Variants in JPH2 observed in about 807,000 individuals in gnomAD.
JPH2 encodes the protein junctophilin-2.
Under a neutral mutation model 55.9 loss-of-function variants are expected in JPH2, and 38 were observed. That is an observed-to-expected ratio of 0.68 (90% CI 0.52 to 0.89). JPH2 has a LOEUF of 0.89. JPH2 is among the 40% of genes least tolerant of loss of function. JPH2 has a pLI of 0.00. For missense variants in JPH2, 964 were observed against 1,037.6 expected (o/e 0.93, Z 0.97); for synonymous variants, 480 against 472.4 (o/e 1.02, Z -0.21).
chr20:44,177,524 G>T lies in JPH2; in HGVS notation c.379+8803C>A, dbSNP rs542302577. On this transcript the variant is annotated intron_variant, in intron 1 of 5. Coordinates refer to ENST00000372980, the MANE Select transcript of JPH2 (RefSeq NM_020433.5). ...CGGTCCGCTTTTCTGTTCTGCTAAG[G>T]GTCTGCTGTGCTCTCCTGGGGTCTC... 6.5e-6 allele frequency: 7 copies of T among 1,073,244 alleles called. No homozygotes were observed. The Admixed American group carries it at 1.9e-4, about 29-fold the overall frequency. 66.5% of individuals were successfully genotyped at this position (1,073,244 alleles called of 1,614,324 possible).
At chr20:44,137,054 A>G (rs2072418004) in intron 2 of JPH2, among the ~76,000 whole-genome samples, 1 of 152,148 alleles carries the variant, frequency 6.6e-6, no homozygotes, top group African/African-American at 2.4e-5. Flanking sequence ...AACAGGAGAG[A>G]CTCGCCTTCT....
At position 44,115,759 on chromosome 20, in the gene JPH2, T is replaced by C. The variant is rs1408316705; in HGVS notation, c.1916A>G (p.Lys639Arg). The part of the protein sequence containing the change: ...PKAEPRAKAR[K>R]TEARGLTKAG... ...CTTGGTCAGCCCTCGAGCCTCAGTC[T>C]TGCGGGCCTTGGCCCTGGGCTCGGC... Residue 639 changes from lysine to arginine, a missense_variant, in exon 4 of 6, where the codon AAG becomes AGG. Physicochemically the swap from Lys to Arg is conservative, Grantham distance 26. Transcript: ENST00000372980. 6.2e-7 allele frequency: 1 copy of C among 1,612,722 alleles called. No homozygotes were observed.
At chr20:44,140,486 G>A (rs2072447773) in intron 2 of JPH2, among the ~76,000 whole-genome samples, 1 of 152,142 alleles carries the variant, frequency 6.6e-6, no homozygotes, top group African/African-American at 2.4e-5. Flanking sequence ...GACTTTGTAG[G>A]AGCACCCCCT....
At position 44,109,143 on chromosome 20, in the gene JPH2, TAA is replaced by T. The variant is rs2072125231; in HGVS notation, c.*4373_*4374del. Among the ~76,000 whole-genome samples the T allele has an allele frequency of 6.6e-6, 1 of 152,176 alleles. No individual in the cohort carries two copies. The highest frequency in any genetic ancestry group is 2.1e-4 in the South Asian group (1 of 4,830). Reference sequence around the variant, plus strand: ...TCATGGTGGGAGCAGTGTGGTTCTGTAAAAGAGCACAGCTCTGGGTTTCAGTC... The same window carrying T: ...TCATGGTGGGAGCAGTGTGGTTCTGTAAGAGCACAGCTCTGGGTTTCAGTC... On this transcript the variant is annotated 3_prime_UTR_variant, in exon 6 of 6. Coordinates refer to ENST00000372980, the MANE Select transcript of JPH2 (RefSeq NM_020433.5).
In JPH2 at chr20:44,107,467, T is replaced by A. The variant is rs911686407; in HGVS notation, c.*6051A>T. 3.3e-5 allele frequency among the ~76,000 whole-genome samples: 5 copies of A among 152,328 alleles called. No individual in the cohort carries two copies. The highest frequency in any genetic ancestry group is 1.2e-4 in the African/African-American group (5 of 41,570). ...GCTAGTGGAATATGAGCAGAAGTGATGTGTGCTGTTTTCCTGGTGAAAGTT... is the reference window on the plus strand; with the variant it reads ...GCTAGTGGAATATGAGCAGAAGTGAAGTGTGCTGTTTTCCTGGTGAAAGTT... On this transcript the variant is annotated 3_prime_UTR_variant, in exon 6 of 6. Coordinates refer to ENST00000372980, the MANE Select transcript of JPH2 (RefSeq NM_020433.5).
chr20:44,186,409 G>A lies in JPH2; in HGVS notation c.297C>T (p.Ser99=), dbSNP rs759890325. The change falls in exon 1 of 6, where the codon AGC becomes AGT. Residue 99 remains serine, a synonymous_variant. Transcript: ENST00000372980. The part of the protein sequence containing the change: ...GFKGRYGIRQ[S]SSSGAKYEGT... ...CCTCATACTTGGCACCGCTGCTTGAGCTCTGCCGGATTCCGTAGCGTCCCT... is the reference window on the plus strand; with the variant it reads ...CCTCATACTTGGCACCGCTGCTTGAACTCTGCCGGATTCCGTAGCGTCCCT... 6.2e-7 allele frequency: 1 copy of A among 1,613,836 alleles called. No homozygotes were observed. Among genetic ancestry groups the A allele is most frequent in the Non-Finnish European group, 8.5e-7 (1 of 1,179,976 alleles).
intron 2 of JPH2, among the ~76,000 whole-genome samples, chr20:44,121,139 G>C (rs545184974): frequency 1.3e-5 from 2 of 152,356 alleles, no homozygotes; most frequent in East Asian, 3.9e-4. Context: ...GGTCAGGAAA[G>C]GATTCCTTGA....
chr20:44,124,629 C>T (rs1016961019), intron 2 of JPH2, among the ~76,000 whole-genome samples: 9 of 150,562 alleles, frequency 6.0e-5, no homozygotes, highest in Non-Finnish European at 1.3e-4. Flanking sequence ...GCCTGGGCAA[C>T]ACAGCAAGAT....
At chr20:44,152,798 G>A (rs1376080529) in intron 2 of JPH2, among the ~76,000 whole-genome samples, 1 of 152,160 alleles carries the variant, frequency 6.6e-6, no homozygotes, top group Non-Finnish European at 1.5e-5. Flanking sequence ...GCCTCCGTGG[G>A]TGCCTACGGC....
At chr20:44,183,335 C>A (rs539413095) in intron 1 of JPH2, among the ~76,000 whole-genome samples, 6 of 152,362 alleles carry the variant, frequency 3.9e-5, no homozygotes, top group African/African-American at 1.4e-4. Flanking sequence ...TTCAAGGTCA[C>A]CCAACTAGCA....
chr20:44,116,381 C>G lies in JPH2; in HGVS notation c.1294G>C (p.Glu432Gln). ...LAPDFYQPGP[E>Q]YQKRRLLQEI... ...TGCAGCAGCCGGCGCTTCTGATATT[C>G]CGGACCTGCCAGGGCAACACAGGGA... is the stretch of plus-strand genomic sequence containing the variant. Residue 432 changes from glutamate (E) to glutamine (Q), a missense_variant, in exon 4 of 6, where the codon GAA (glutamate) becomes CAA (glutamine). Glu to Gln is a conservative substitution (Grantham distance 29, BLOSUM62 2). Coordinates refer to ENST00000372980, the MANE Select transcript of JPH2 (RefSeq NM_020433.5). The G allele has an allele frequency of 6.5e-7, 1 of 1,547,824 alleles. No homozygotes were observed. The highest frequency in any genetic ancestry group is 8.7e-7 in the Non-Finnish European group (1 of 1,146,688).
chr20:44,115,758 C>A lies in JPH2; in HGVS notation c.1917G>T (p.Lys639Asn). ...CCTTGGTCAGCCCTCGAGCCTCAGT[C>A]TTGCGGGCCTTGGCCCTGGGCTCGG... is the stretch of plus-strand genomic sequence containing the variant. Reference protein sequence around the residue: ...PKAEPRAKARKTEARGLTKAG... With the variant: ...PKAEPRAKARNTEARGLTKAG... Residue 639 changes from lysine to asparagine, a missense_variant, in exon 4 of 6, where the codon AAG (lysine) becomes AAT (asparagine). Coordinates refer to ENST00000372980, the MANE Select transcript of JPH2 (RefSeq NM_020433.5). 2 of 1,612,766 alleles carry A rather than the reference C, an allele frequency of 1.2e-6. No homozygotes were observed. Among genetic ancestry groups the A allele is most frequent in the South Asian group, 2.2e-5 (2 of 91,080 alleles).
intron 4 of JPH2, among the ~76,000 whole-genome samples, 156 bp downstream of exon 4, chr20:44,115,509 C>T (rs925091799): frequency 7.9e-5 from 12 of 152,222 alleles, no homozygotes; most frequent in African/African-American, 2.4e-4. Flanking sequence ...GGCTATGCTC[C>T]CCTAATCCCC....
At chr20:44,144,056 C>T (rs2072477034) in intron 2 of JPH2, among the ~76,000 whole-genome samples, 2 of 152,162 alleles carry the variant, frequency 1.3e-5, no homozygotes, top group Admixed American at 6.5e-5. Context: ...AAGTTCCATC[C>T]CTCAAGCCCT....
Position 44,111,584 on chromosome 20 carries a change from G to C in JPH2, c.*1934C>G, listed in dbSNP as rs1346454059. 1 of 152,246 alleles carries C rather than the reference G, an allele frequency of 6.6e-6. No individual in the cohort carries two copies. Among genetic ancestry groups the C allele is most frequent in the Non-Finnish European group, 1.5e-5 (1 of 68,116 alleles). The allele number at this position is 152,246 out of a possible 1,614,324, so 9.4% of individuals were successfully genotyped here. On this transcript the variant is annotated 3_prime_UTR_variant, in exon 6 of 6. Transcript: ENST00000372980. ...CCTTCAGCTGCCCCTCAAGGATCGT[G>C]AGAACAAGGACACAGATGGGAAGGA...
rs59206814 is a variant in JPH2, at chr20:44,169,173, ATT to A, written c.380-8768_380-8767del. Among the ~76,000 whole-genome samples the A allele has an allele frequency of 5.3e-3, 732 of 136,912 alleles. 3 individuals carry two copies. Among genetic ancestry groups the A allele is most frequent in the African/African-American group, 0.019 (692 of 36,540 alleles). The allele number at this position is 136,912 out of a possible 152,430, so 89.8% of individuals were successfully genotyped here. On this transcript the variant is annotated intron_variant, in intron 1 of 5. Transcript: ENST00000372980. ...CTTTGTAAATTACCTGGCCTTGGGTATTTTTTTTTTTTTTTTTTTTTGAGATA... is the reference window on the plus strand; with the variant it reads ...CTTTGTAAATTACCTGGCCTTGGGTATTTTTTTTTTTTTTTTTTTGAGATA...
chr20:44,166,084 C>T (rs1289912918), intron 1 of JPH2, among the ~76,000 whole-genome samples: 1 of 152,170 alleles, frequency 6.6e-6, no homozygotes, highest in Non-Finnish European at 1.5e-5. Flanking sequence ...AATAGGTACT[C>T]AGTAAATATG....
intron 1 of JPH2, among the ~76,000 whole-genome samples, chr20:44,162,795 C>T (rs1288046243): frequency 1.8e-4 from 23 of 126,236 alleles, no homozygotes; most frequent in African/African-American, 6.4e-4. Flanking sequence ...TATACACACA[C>T]ACACACACAC....
chr20:44,180,601 A>T (rs1353448482), intron 1 of JPH2, among the ~76,000 whole-genome samples: 2 of 152,016 alleles, frequency 1.3e-5, no homozygotes, highest in Non-Finnish European at 2.9e-5. Context: ...CCTTACTGTT[A>T]TTATTTTTAT....
Sources: allele counts gnomAD v4.1 joint callset (sites outside exome capture counted in the v4.1 genomes callset), GRCh38; gene constraint gnomAD v4.1.1; transcripts MANE v1.5; gene names NCBI Gene and HGNC (gene_info 2026-07-23, HGNC 2026-07-21).